The following ABTB1 variants were observed in gnomAD, a reference collection of about 807,000 sequenced individuals.
The protein encoded by ABTB1 is ankyrin repeat and BTB domain containing 1.
In ABTB1, 45 loss-of-function variants were observed where a neutral mutation model predicts 57.1. The ratio of observed to expected loss-of-function variants is 0.79; its 90% CI spans 0.62 to 1.01. The LOEUF is 1.01. Ranked by LOEUF, ABTB1 falls within the 50% of genes least tolerant of loss-of-function variation. The pLI, the probability that ABTB1 is intolerant of heterozygous loss-of-function variation, is 0.00. For missense variants in ABTB1, 630 were observed against 666.3 expected (o/e 0.95, Z 0.60); for synonymous variants, 302 against 275.4 (o/e 1.10, Z -0.95).
intron 3 of ABTB1, 100 bp downstream of exon 3, chr3:127,674,700 T>A: frequency 7.1e-7 from 1 of 1,405,020 alleles, no homozygotes; most frequent in Non-Finnish European, 1.0e-6. Flanking sequence ...TTGATACACA[T>A]TTGCAAAGCA....
chr3:127,675,719 T>A (rs2074965317), intron 3 of ABTB1: 2 of 557,432 alleles, frequency 3.6e-6, no homozygotes, highest in Admixed American at 3.0e-5. Context: ...AGCCACCAAG[T>A]CAGCTCTCCG....
rs758611550 is a variant in ABTB1, at chr3:127,680,072, G to A, written c.1117G>A (p.Ala373Thr). The A allele has an allele frequency of 1.3e-5, 21 of 1,613,864 alleles. No homozygotes were observed. The South Asian group carries it at 2.2e-4, about 17-fold the overall frequency. Residue 373 changes from alanine to threonine, a missense_variant, in exon 11 of 12, where the codon GCT becomes ACT. Coordinates refer to ENST00000232744, the MANE Select transcript of ABTB1 (RefSeq NM_172027.3). ...GLKRLCGRSL[A>T]QMLDEDTVVG... ...GAAGAGGCTGTGCGGCCGCAGCCTG[G>A]CTCAGATGCTAGACGAGGACACTGT...
rs376555403 is a variant in ABTB1, at chr3:127,673,013, C to A, written c.-13C>A. The A allele has an allele frequency of 1.2e-4, 188 of 1,561,010 alleles. 2 individuals carry two copies. In the South Asian group the frequency reaches 1.8e-3, roughly 15 times the overall value. ...GCCCGAGGTCGTTCGGCTCGGGTAC[C>A]ATCCTCCGCGCCATGGACACCAGCG... On this transcript the variant is annotated 5_prime_UTR_variant, in exon 1 of 12. Coordinates refer to ENST00000232744, the MANE Select transcript of ABTB1 (RefSeq NM_172027.3).
At chr3:127,673,265 T>G in intron 1 of ABTB1, 184 bp downstream of exon 1, 2 of 488,722 alleles carry the variant, frequency 4.1e-6, no homozygotes, top group Non-Finnish European at 6.4e-6. Flanking sequence ...GGAAGCGCGC[T>G]GGGGCGGGGA....
rs370842950 is a variant in ABTB1, at chr3:127,680,004, A to G, written c.1049A>G (p.Tyr350Cys). ...CTGCAGCTGTCCCCCGAGGCAGCCT[A>G]TGATGTGCTGAGCGTCGCCGACATG... ...DHTELSPEAA[Y>C]DVLSVADMYL... The change falls in exon 11 of 12, where the codon TAT becomes TGT. Residue 350 changes from tyrosine to cysteine, a missense_variant. Tyr to Cys is a radical substitution (Grantham distance 194). Transcript: ENST00000232744. 66 of 1,613,478 alleles carry G rather than the reference A, an allele frequency of 4.1e-5. No homozygotes were observed. Among genetic ancestry groups the G allele is most frequent in the Middle Eastern group, 1.6e-4 (1 of 6,084 alleles).
chr3:127,674,277 G>C, intron 1 of ABTB1, 114 bp from the exon 2 acceptor site: 1 of 1,381,196 alleles, frequency 7.2e-7, no homozygotes, highest in Non-Finnish European at 1.0e-6. Context: ...GCCCTCACCT[G>C]GGGGAGGCTT....
At chr3:127,675,929 A>G in intron 3 of ABTB1, 41 bp from the exon 4 acceptor site, 1 of 1,587,718 alleles carries the variant, frequency 6.3e-7, no homozygotes, top group Non-Finnish European at 8.6e-7. Flanking sequence ...AATTTCCCCC[A>G]GGCCCCTTCC....
At chr3:127,679,707 G>A (rs2075078455) in intron 10 of ABTB1, 3 of 568,344 alleles carry the variant, frequency 5.3e-6, no homozygotes, top group East Asian at 3.5e-5. Context: ...CTCAGACCCT[G>A]GCTCCTGCGA....
In ABTB1 at chr3:127,680,329, C is replaced by T. The variant is rs2107562020; in HGVS notation, c.1291C>T (p.Arg431Trp). Residue 431 changes from arginine (R) to tryptophan (W), a missense_variant, in exon 12 of 12, where the codon CGG becomes TGG. Around this residue, in one of 3 missense-constraint regions of ABTB1, gnomAD observed 8 missense variants for 24.2 expected, o/e 0.33. Transcript: ENST00000232744. ...VKEEAAAVAA[R>W]QETDSIPLVD... ...GGAGGAGGCAGCGGCTGTGGCAGCC[C>T]GGCAGGAGACGGACTCTATCCCGCT... 6.2e-7 allele frequency: 1 copy of T among 1,610,262 alleles called. No individual in the cohort carries two copies. Among genetic ancestry groups the T allele is most frequent in the Non-Finnish European group, 8.5e-7 (1 of 1,178,638 alleles).
chr3:127,677,834 CCA>C lies in ABTB1; in HGVS notation c.1024_1025del (p.Thr342Ter). 1 of 1,611,888 alleles carries C rather than the reference CCA, an allele frequency of 6.2e-7. No individual in the cohort carries two copies. The highest frequency in any genetic ancestry group is 8.5e-7 in the Non-Finnish European group (1 of 1,179,646). Reference sequence around the variant, plus strand: ...ACGTGCTCTACTACATGTACAGCGACCACACTGAGGTGGGGGCTCAGGCAGAG... The same window carrying C: ...ACGTGCTCTACTACATGTACAGCGACCACTGAGGTGGGGGCTCAGGCAGAG... Reference protein sequence around the residue: ...THVLYYMYSDHTELSPEAAYD... With the variant: ...THVLYYMYSDXTELSPEAAYD... On this transcript the variant is annotated frameshift_variant, in exon 10 of 12. Coordinates refer to ENST00000232744, the MANE Select transcript of ABTB1 (RefSeq NM_172027.3). LOFTEE classifies it high-confidence loss of function.
At chr3:127,677,421 C>T (rs187794073) in intron 8 of ABTB1, 44 bp from the exon 9 acceptor site, 5 of 1,598,574 alleles carry the variant, frequency 3.1e-6, no homozygotes, top group African/African-American at 1.3e-5. Context: ...TCGTTCACTT[C>T]TGTGAACAAC....
Position 127,677,107 on chromosome 3 carries a change from G to T in ABTB1, c.643+24G>T, listed in dbSNP as rs201657222. 16 of 1,613,630 alleles carry T rather than the reference G, an allele frequency of 9.9e-6. 1 individual carries two copies. The South Asian group carries it at 1.6e-4, about 17-fold the overall frequency. On this transcript the variant is annotated intron_variant, in intron 7 of 11. Transcript: ENST00000232744. ...TGGTGCGAGCAGGGTTTGGGGCCCG[G>T]GGCCATGGGTGCGGCCTGGCAGGGC...
intron 3 of ABTB1, among the ~76,000 whole-genome samples, chr3:127,675,264 CTTTTTTTTT>C (rs1170878832): frequency 8.1e-6 from 1 of 123,816 alleles, no homozygotes; most frequent in African/African-American, 3.1e-5. Flanking sequence ...TTGGTTTTTT[CTTTTTTTTT>C]TTTTTTTTTT....
Position 127,680,559 on chromosome 3 carries a change from C to A in ABTB1, c.*84C>A. Reference sequence around the variant, plus strand: ...CGTTTGTGTGCAGCTCTTCTTCCTGCTCCCTGCACATTGAGGGCTTCATGG... The same window carrying A: ...CGTTTGTGTGCAGCTCTTCTTCCTGATCCCTGCACATTGAGGGCTTCATGG... On this transcript the variant is annotated 3_prime_UTR_variant, in exon 12 of 12. Transcript: ENST00000232744. The A allele has an allele frequency of 6.6e-7, 1 of 1,515,564 alleles. No individual in the cohort carries two copies. Among genetic ancestry groups the A allele is most frequent in the Non-Finnish European group, 9.0e-7 (1 of 1,105,500 alleles). 93.9% of individuals were successfully genotyped at this position (1,515,564 alleles called of 1,614,324 possible). A position where few individuals can be genotyped will look rare whatever the true frequency, so the allele number is the denominator to read the frequency against.
chr3:127,680,878 TG>T lies in ABTB1; in HGVS notation c.*408del. On this transcript the variant is annotated 3_prime_UTR_variant, in exon 12 of 12. Transcript: ENST00000232744. ...ATGCACAGGGCCATTCAGGAAGGGC[TG>T]GGGGAGTGTGTGTGGCAATAAAGCT... 1 of 556,224 alleles carries T rather than the reference TG, an allele frequency of 1.8e-6. No individual in the cohort carries two copies. The highest frequency in any genetic ancestry group is 3.2e-6 in the Non-Finnish European group (1 of 315,800). The allele number at this position is 556,224 out of a possible 1,614,324, so 34.5% of individuals were successfully genotyped here. A position where few individuals can be genotyped will look rare whatever the true frequency, so the allele number is the denominator to read the frequency against.
chr3:127,675,650 C>T (rs2074963081), intron 3 of ABTB1: 1 of 384,476 alleles, frequency 2.6e-6, no homozygotes, highest in African/African-American at 2.0e-5. Flanking sequence ...AGTATAAGTT[C>T]AGCAGGACAG....
intron 10 of ABTB1, chr3:127,678,287 GGT>G (rs2075034604): frequency 1.0e-5 from 2 of 194,878 alleles, no homozygotes; most frequent in Non-Finnish European, 2.1e-5. Context: ...GCTCTGCCAG[GGT>G]GTGTGAGAGA....
At position 127,676,773 on chromosome 3, in the gene ABTB1, C is replaced by G. The variant is rs2074993093; in HGVS notation, c.526+192C>G. ...GCCTGCTCAGGAAGAGCTTGTCCCA[C>G]CCACATGCTGAGGCCCTCCCATCTG... On this transcript the variant is annotated intron_variant, in intron 6 of 11. Coordinates refer to ENST00000232744, the MANE Select transcript of ABTB1 (RefSeq NM_172027.3). This position sits in a 1 kb window ranked among gnomAD's most constrained non-coding sequence, Gnocchi z 5.4. 3.5e-6 allele frequency: 3 copies of G among 849,704 alleles called. No individual in the cohort carries two copies. The highest frequency in any genetic ancestry group is 2.6e-5 in the Admixed American group (1 of 38,354). 52.6% of individuals were successfully genotyped at this position (849,704 alleles called of 1,614,324 possible).
In ABTB1 at chr3:127,677,742, G is replaced by C; in HGVS notation, c.928G>C (p.Glu310Gln). 2 of 1,611,056 alleles carry C rather than the reference G, an allele frequency of 1.2e-6. No individual in the cohort carries two copies. Among genetic ancestry groups the C allele is most frequent in the Non-Finnish European group, 1.7e-6 (2 of 1,178,864 alleles). The change falls in exon 10 of 12, where the codon GAG becomes CAG. Residue 310 changes from glutamate (E) to glutamine (Q), a missense_variant. This residue lies in a region of ABTB1 where 579 missense variants were observed against 585.9 expected (regional missense o/e 0.99). Transcript: ENST00000232744. Reference sequence around the variant, plus strand: ...GGATGACCACTTCCGAGAGAGCGAGGAGCCAGCGACCTCAGGGGGCCCCCC... The same window carrying C: ...GGATGACCACTTCCGAGAGAGCGAGCAGCCAGCGACCTCAGGGGGCCCCCC... The part of the protein sequence containing the change: ...LLDDHFRESE[E>Q]PATSGGPPAV...
Sources: allele counts gnomAD v4.1 joint callset (sites outside exome capture counted in the v4.1 genomes callset), GRCh38; gene constraint gnomAD v4.1.1; regional missense constraint gnomAD v4.1.1; non-coding constraint Gnocchi (gnomAD v3.1); transcripts MANE v1.5; gene names NCBI Gene and HGNC (gene_info 2026-07-23, HGNC 2026-07-21).